The following KIF5C variants were observed in gnomAD, a reference collection of about 807,000 sequenced individuals.
The protein encoded by KIF5C is kinesin family member 5C, also known as kinesin heavy chain isoform 5C.
KIF5C carries 18 observed loss-of-function variants against 125.2 expected under a neutral mutation model. The ratio of observed to expected loss-of-function variants is 0.14; its 90% CI spans 0.10 to 0.21. KIF5C has a LOEUF of 0.21. KIF5C is among the 10% of genes least tolerant of loss of function. The pLI, the probability that KIF5C is intolerant of heterozygous loss-of-function variation, is 1.00. For missense variants in KIF5C, 780 were observed against 1,183.8 expected (o/e 0.66, Z 5.01); for synonymous variants, 405 against 434.0 (o/e 0.93, Z 0.83).
intron 2 of KIF5C, among the ~76,000 whole-genome samples, chr2:148,923,641 CAT>C (rs1259766246): frequency 6.6e-6 from 1 of 152,124 alleles, no homozygotes; most frequent in African/African-American, 2.4e-5. Context: ...AGATTAATCA[CAT>C]ATGTGCCAAA....
intron 22 of KIF5C, 87 bp downstream of exon 22, chr2:149,005,551 AG>A: frequency 6.4e-7 from 1 of 1,551,510 alleles, no homozygotes; most frequent in South Asian, 1.2e-5. Context: ...CACTTGCTTA[AG>A]TCGGGGCTGG....
At chr2:148,996,634 C>T (rs1681682484) in intron 17 of KIF5C, among the ~76,000 whole-genome samples, 2 of 152,202 alleles carry the variant, frequency 1.3e-5, no homozygotes, top group South Asian at 2.1e-4. Context: ...TAGGGAGCAC[C>T]ATCGACCAAG....
At chr2:148,879,223 G>C (rs966266102) in intron 1 of KIF5C, 5 of 152,172 alleles carry the variant, frequency 3.3e-5, no homozygotes, top group African/African-American at 1.2e-4. Flanking sequence ...GCCATGTTTA[G>C]AGACAAGAAC....
chr2:148,936,948 TCTC>T (rs1367746137), intron 3 of KIF5C, among the ~76,000 whole-genome samples: 1 of 152,158 alleles, frequency 6.6e-6, no homozygotes, highest in Non-Finnish European at 1.5e-5. Flanking sequence ...TCTCGTTCCT[TCTC>T]CTGCTCCCTT....
chr2:148,949,806 GT>G, intron 8 of KIF5C, 32 bp from the exon 9 acceptor site: 1 of 1,610,412 alleles, frequency 6.2e-7, no homozygotes, highest in Admixed American at 1.7e-5. Flanking sequence ...CTGCCGTCCT[GT>G]GCTGCTCACT....
Position 148,875,297 on chromosome 2 carries a change from C to A in KIF5C, c.-321C>A. Reference sequence around the variant, plus strand: ...CGGGAGGTCTGAGCCGGGCGAGGCTCGCTCCCTGCGCATCGCCTCCTCCGC... The same window carrying A: ...CGGGAGGTCTGAGCCGGGCGAGGCTAGCTCCCTGCGCATCGCCTCCTCCGC... On this transcript the variant is annotated 5_prime_UTR_variant, in exon 1 of 26. Coordinates refer to ENST00000435030, the MANE Select transcript of KIF5C (RefSeq NM_004522.3). The A allele has an allele frequency of 3.8e-6, 1 of 262,018 alleles. No individual in the cohort carries two copies. 16.2% of individuals were successfully genotyped at this position (262,018 alleles called of 1,614,324 possible).
intron 15 of KIF5C, among the ~76,000 whole-genome samples, chr2:148,989,971 G>A (rs149668414): frequency 1.7e-3 from 256 of 152,260 alleles, no homozygotes; most frequent in African/African-American, 5.8e-3. Context: ...CACTCAGAGT[G>A]TACTGTGGAA....
At chr2:148,998,908 T>C (rs1279973296) in intron 19 of KIF5C, 1 of 167,362 alleles carries the variant, frequency 6.0e-6, no homozygotes, top group African/African-American at 2.5e-5. Flanking sequence ...TCTAGTAGGT[T>C]AATAAACACT....
At chr2:148,998,322 G>A in intron 18 of KIF5C, 78 bp from the exon 19 acceptor site, 1 of 1,544,046 alleles carries the variant, frequency 6.5e-7, no homozygotes, top group Non-Finnish European at 8.8e-7. Flanking sequence ...AAGGAGGTAG[G>A]TCCAGATCCA....
intron 11 of KIF5C, among the ~76,000 whole-genome samples, chr2:148,969,437 G>GTGTGTGTGTGTGTGTGTGTGTGTGTA: frequency 6.6e-6 from 1 of 151,110 alleles, no homozygotes; most frequent in African/African-American, 2.4e-5. Context: ...GTGTGTGTGT[G>GTGTGTGTGTGTGTGTGTGTGTGTGTA]TGTGTGTGTG....
intron 11 of KIF5C, among the ~76,000 whole-genome samples, chr2:148,966,646 A>G (rs1042259534): frequency 6.6e-6 from 1 of 152,102 alleles, no homozygotes; most frequent in Non-Finnish European, 1.5e-5. Context: ...AACCCTTTGT[A>G]GCTTGATGCA....
intron 22 of KIF5C, among the ~76,000 whole-genome samples, 154 bp downstream of exon 22, chr2:149,005,618 G>T (rs1372365676): frequency 2.0e-5 from 3 of 152,088 alleles, no homozygotes; most frequent in Non-Finnish European, 2.9e-5. Context: ...AGAATGTGCT[G>T]GAGGCAAAAA....
rs2105085630 is a variant in KIF5C, at chr2:148,924,753, A to G, written c.217+2526A>G. Among the ~76,000 whole-genome samples, 1 of 152,330 alleles carries G rather than the reference A, an allele frequency of 6.6e-6. No homozygotes were observed. Among genetic ancestry groups the G allele is most frequent in the East Asian group, 1.9e-4 (1 of 5,184 alleles). ...GTCCCAGCCTACAGAAGCCACACCA[A>G]TCATTTGCCTTCCAAATTAACTAGA... On this transcript the variant is annotated intron_variant, in intron 2 of 25. Transcript: ENST00000435030. The surrounding 1 kb of genome is among the most constrained non-coding windows in gnomAD (Gnocchi z 4.0).
chr2:148,978,728 A>G (rs960146882), intron 12 of KIF5C, among the ~76,000 whole-genome samples, 194 bp from the exon 13 acceptor site: 1 of 152,184 alleles, frequency 6.6e-6, no homozygotes, highest in Non-Finnish European at 1.5e-5. Context: ...CAGCTGTTTC[A>G]TCTGCTGAGA....
rs201672687 is a variant in KIF5C at position 148,886,984 on chromosome 2, A to G, written c.126+11241A>G. Among the ~76,000 whole-genome samples the G allele has an allele frequency of 2.5e-4, 38 of 152,318 alleles. No homozygotes were observed. The East Asian group carries it at 7.1e-3, about 29-fold the overall frequency. ...AAAGAGTTTGAAAGGGGGAAAATAT[A>G]CACCTCTTTGATAGCTACTTCCTTA... On this transcript the variant is annotated intron_variant, in intron 1 of 25. Transcript: ENST00000435030.
At position 148,875,604 on chromosome 2, in the gene KIF5C, T is replaced by A. The variant is rs1317723986; in HGVS notation, c.-14T>A. 6.5e-5 allele frequency: 23 copies of A among 355,780 alleles called. No homozygotes were observed. Among genetic ancestry groups the A allele is most frequent in the Admixed American group, 6.4e-5 (1 of 15,604 alleles). 22.0% of individuals were successfully genotyped at this position (355,780 alleles called of 1,614,324 possible). A position where few individuals can be genotyped will look rare whatever the true frequency, so the allele number is the denominator to read the frequency against. On this transcript the variant is annotated 5_prime_UTR_variant, in exon 1 of 26. Transcript: ENST00000435030. ...CCCACCCATCCCCGTGCCCCCTCCC[T>A]ACCGCCGGCCGAGATGGCGGATCCA...
chr2:148,895,390 A>T (rs1382201424), intron 1 of KIF5C, among the ~76,000 whole-genome samples: 1 of 152,126 alleles, frequency 6.6e-6, no homozygotes, highest in Non-Finnish European at 1.5e-5. Flanking sequence ...CACCTGCCTC[A>T]GCCTCCCAAA....
At position 148,981,629 on chromosome 2, in the gene KIF5C, A is replaced by C; in HGVS notation, c.1569+68A>C. On this transcript the variant is annotated intron_variant, in intron 14 of 25. Transcript: ENST00000435030. ...CGTTCCTGTACTCATATTGATATTC[A>C]TTGACAGACATGGTATAAGGAGGCA... 2.0e-6 allele frequency: 3 copies of C among 1,491,268 alleles called. No individual in the cohort carries two copies. In the South Asian group the frequency reaches 4.1e-5, roughly 20 times the overall value. 92.4% of individuals were successfully genotyped at this position (1,491,268 alleles called of 1,614,324 possible). A position where few individuals can be genotyped will look rare whatever the true frequency, so the allele number is the denominator to read the frequency against.
chr2:148,958,842 G>A (rs1682858067), intron 10 of KIF5C, among the ~76,000 whole-genome samples: 1 of 151,946 alleles, frequency 6.6e-6, no homozygotes. Flanking sequence ...AAATTAGCTG[G>A]GCGTGGTGGC....
Sources: allele counts gnomAD v4.1 joint callset (sites outside exome capture counted in the v4.1 genomes callset), GRCh38; gene constraint gnomAD v4.1.1; non-coding constraint Gnocchi (gnomAD v3.1); transcripts MANE v1.5; gene names NCBI Gene and HGNC (gene_info 2026-07-23, HGNC 2026-07-21).